The following XK variants were observed in gnomAD, a reference collection of about 807,000 sequenced individuals.
XK encodes the protein endoplasmic reticulum membrane adapter protein XK.
Under a neutral mutation model 14.0 loss-of-function variants are expected in XK, and 2 were observed. The ratio of observed to expected loss-of-function variants is 0.14; its 90% CI spans 0.06 to 0.45. XK has a LOEUF of 0.45. Among genes scored for constraint, XK ranks in the 20% least tolerant of loss-of-function variants. The pLI is 0.98. For synonymous variants in XK, 149 were observed against 147.5 expected (o/e 1.01, Z -0.08); for missense variants, 235 against 341.5 (o/e 0.69, Z 2.46).
Position 37,727,857 on chromosome X carries a change from A to G in XK, c.730A>G (p.Asn244Asp). The G allele has an allele frequency of 8.3e-7, 1 of 1,210,971 alleles. No homozygotes were observed. Among genetic ancestry groups the G allele is most frequent in the Non-Finnish European group, 1.1e-6 (1 of 895,250 alleles). The change falls in exon 3 of 3, where the codon AAC becomes GAC. Residue 244 changes from asparagine to aspartate, a missense_variant. Coordinates refer to ENST00000378616, the MANE Select transcript of XK (RefSeq NM_021083.4). ...KTWVVVIILI[N>D]FFSFFLYPWI... ...CTGGGTGGTGGTTATAATACTCATC[A>G]ACTTCTTCAGTTTCTTCTTGTACCC...
intron 1 of XK, among the ~76,000 whole-genome samples, chrX:37,688,059 CTTTTTT>C (rs1222330719): frequency 1.8e-5 from 1 of 54,662 alleles, no homozygotes; most frequent in African/African-American, 1.0e-4. Flanking sequence ...TTCTTTCTTT[CTTTTTT>C]TTTTTTTTTT....
intron 1 of XK, among the ~76,000 whole-genome samples, chrX:37,692,580 T>A (rs187671259): frequency 8.9e-6 from 1 of 111,759 alleles, no homozygotes; most frequent in Admixed American, 9.5e-5. Context: ...TTTTAATTTT[T>A]AGTAGAGATG....
rs990490176 is a variant in XK at position 37,721,435 on chromosome X, A to G, written c.509-6201A>G. On this transcript the variant is annotated intron_variant, in intron 2 of 2. Transcript: ENST00000378616. Reference sequence around the variant, plus strand: ...AACCACAAAATATATACAAATGGCCAATACCCACATGAAAATAGGCTGGAA... The same window carrying G: ...AACCACAAAATATATACAAATGGCCGATACCCACATGAAAATAGGCTGGAA... Among the ~76,000 whole-genome samples, 38 of 111,629 alleles carry G rather than the reference A, an allele frequency of 3.4e-4. 1 individual carries two copies. The highest frequency in any genetic ancestry group is 1.2e-3 in the African/African-American group (38 of 30,830).
intron 2 of XK, among the ~76,000 whole-genome samples, chrX:37,713,479 T>G (rs72619423): frequency 1.8e-5 from 2 of 111,921 alleles, no homozygotes; most frequent in African/African-American, 6.5e-5. Flanking sequence ...TGGTATTTCA[T>G]AGGACTTCAG....
At chrX:37,708,013 G>A (rs1010933817) in intron 2 of XK, among the ~76,000 whole-genome samples, 6 of 112,570 alleles carry the variant, frequency 5.3e-5, no homozygotes, top group Admixed American at 3.7e-4. Context: ...AGACCAGCCC[G>A]GCCAACACAG....
At chrX:37,692,559 C>T (rs1416477029) in intron 1 of XK, among the ~76,000 whole-genome samples, 1 of 111,804 alleles carries the variant, frequency 8.9e-6, no homozygotes, top group Non-Finnish European at 1.9e-5. Flanking sequence ...CACCACCATG[C>T]CTGGCTAATT....
intron 1 of XK, among the ~76,000 whole-genome samples, chrX:37,693,939 G>A (rs1340830267): frequency 1.8e-5 from 2 of 112,358 alleles, no homozygotes; most frequent in Admixed American, 9.3e-5. Flanking sequence ...TAGGTGACTC[G>A]GCTATGGCTA....
At chrX:37,713,020 C>G (rs1406592928) in intron 2 of XK, among the ~76,000 whole-genome samples, 3 of 111,517 alleles carry the variant, frequency 2.7e-5, no homozygotes, top group Non-Finnish European at 5.6e-5. Flanking sequence ...ATTGGTGTCT[C>G]CCCTGATGAT....
intron 2 of XK, among the ~76,000 whole-genome samples, chrX:37,724,978 A>G (rs1569475371): frequency 8.9e-6 from 1 of 111,943 alleles, no homozygotes; most frequent in African/African-American, 3.2e-5. Flanking sequence ...TTGGAATGGA[A>G]TATCATTTAG....
chrX:37,722,302 T>A (rs1337821942), intron 2 of XK, among the ~76,000 whole-genome samples: 1 of 111,324 alleles, frequency 9.0e-6, no homozygotes, highest in East Asian at 2.8e-4. Flanking sequence ...GGATTTTTTT[T>A]AAGATGCAGC....
chrX:37,686,075 G>T lies in XK; in HGVS notation c.114G>T (p.Ala38=). The change falls in exon 1 of 3, where the codon GCG becomes GCT. Residue 38 remains alanine, a synonymous_variant. Transcript: ENST00000378616. ...CGGGCGGGGACCGCATGTGGCAGGC[G>T]CTGACGTTGCTTTTCTCGCTACTGC... ...YRSGGDRMWQ[A]LTLLFSLLPC... is the part of the protein sequence containing the mutation. 8.3e-7 allele frequency: 1 copy of T among 1,211,566 alleles called. No homozygotes were observed. Among genetic ancestry groups the T allele is most frequent in the Non-Finnish European group, 1.1e-6 (1 of 895,468 alleles).
intron 1 of XK, among the ~76,000 whole-genome samples, chrX:37,693,148 C>T (rs149244107): frequency 1.8e-5 from 2 of 111,868 alleles, no homozygotes; most frequent in East Asian, 5.6e-4. Flanking sequence ...GCCGTAGTCA[C>T]CTCAGGATGA....
At chrX:37,689,350 A>G (rs782438856) in intron 1 of XK, among the ~76,000 whole-genome samples, 1 of 112,668 alleles carries the variant, frequency 8.9e-6, no homozygotes, top group Non-Finnish European at 1.9e-5. Context: ...TTTTAACTCT[A>G]AGACATCAGC....
chrX:37,698,434 C>T (rs1927343941), intron 2 of XK, among the ~76,000 whole-genome samples: 1 of 106,795 alleles, frequency 9.4e-6, no homozygotes, highest in South Asian at 4.2e-4. Context: ...GAGACCCCAT[C>T]TCTACAAAAA....
rs781823738 is a variant in XK at position 37,727,720 on chromosome X, A to G, written c.593A>G (p.Glu198Gly). The G allele has an allele frequency of 8.3e-7, 1 of 1,211,383 alleles. No individual in the cohort carries two copies. The highest frequency in any genetic ancestry group is 1.1e-6 in the Non-Finnish European group (1 of 895,357). ...CTAGCCATCAAAATCAAGTACGATG[A>G]GTATGAAGTCAAAGTGAAGCCTCTG... ...NILAIKIKYD[E>G]YEVKVKPLAY... The change falls in exon 3 of 3, where the codon GAG becomes GGG. Residue 198 changes from glutamate (E) to glycine (G), a missense_variant. Physicochemically the swap from Glu to Gly is moderately conservative, Grantham distance 98. Coordinates refer to ENST00000378616, the MANE Select transcript of XK (RefSeq NM_021083.4).
chrX:37,698,508 C>T (rs782237693), intron 2 of XK, among the ~76,000 whole-genome samples: 3 of 76,333 alleles, frequency 3.9e-5, no homozygotes, highest in Admixed American at 2.0e-4. Context: ...GAGGATAAGG[C>T]GGGAGGATTG....
At chrX:37,707,873 G>T (rs1366650648) in intron 2 of XK, among the ~76,000 whole-genome samples, 6 of 112,320 alleles carry the variant, frequency 5.3e-5, no homozygotes, top group African/African-American at 1.9e-4. Context: ...GGTGGAGGTT[G>T]TAGCAAGCCA....
intron 1 of XK, among the ~76,000 whole-genome samples, chrX:37,689,442 A>G (rs1556440921): frequency 8.9e-6 from 1 of 112,276 alleles, no homozygotes; most frequent in African/African-American, 3.2e-5. Flanking sequence ...GATTGGATTT[A>G]ATAATATTTC....
At chrX:37,686,879 G>A (rs1004903064) in intron 1 of XK, among the ~76,000 whole-genome samples, 4 of 111,516 alleles carry the variant, frequency 3.6e-5, no homozygotes, top group African/African-American at 1.3e-4. Flanking sequence ...GTTAAGTAAA[G>A]AAAAACTGTT....
Sources: allele counts gnomAD v4.1 joint callset (sites outside exome capture counted in the v4.1 genomes callset), GRCh38; gene constraint gnomAD v4.1.1; transcripts MANE v1.5; gene names NCBI Gene and HGNC (gene_info 2026-07-23, HGNC 2026-07-21).